LY9: variants seen among roughly 807,000 people sequenced by gnomAD.
The protein encoded by LY9 is T-lymphocyte surface antigen Ly-9.
LY9 carries 59 observed loss-of-function variants against 64.6 expected under a neutral mutation model. The observed-to-expected ratio is 0.91, with a 90% CI of 0.74 to 1.13. The LOEUF is 1.13. Among genes scored for constraint, LY9 ranks in the 50% most tolerant of loss-of-function variants. The probability of loss-of-function intolerance (pLI) is 0.00; values close to 1 mark genes in which losing one functional copy is unlikely to be tolerated. For synonymous variants in LY9, 281 were observed against 308.5 expected (o/e 0.91, Z 0.93); for missense variants, 789 against 797.2 (o/e 0.99, Z 0.12).
chr1:160,810,211 C>G (rs2101782780), intron 2 of LY9: 1 of 152,330 alleles, frequency 6.6e-6, no homozygotes, highest in South Asian at 2.1e-4. Context: ...CATTTGTATT[C>G]TCTTTTCTGT....
chr1:160,825,268 A>C (rs1447982652), intron 9 of LY9, among the ~76,000 whole-genome samples: 1 of 152,138 alleles, frequency 6.6e-6, no homozygotes, highest in Non-Finnish European at 1.5e-5. Flanking sequence ...AATGATAATA[A>C]TAACTGACTT....
rs1377895384 is a variant in LY9 at position 160,823,810 on chromosome 1, A to G, written c.1830+14A>G. On this transcript the variant is annotated intron_variant, in intron 8 of 9. Coordinates refer to ENST00000263285, the MANE Select transcript of LY9 (RefSeq NM_002348.4). The stretch of plus-strand genomic sequence containing the variant: ...TTCAACTTACAGGTGAGCCCTTCTG[A>G]TCAATACACCTTCCTCCTCCTCCCA... The G allele has an allele frequency of 2.5e-6, 4 of 1,576,710 alleles. No individual in the cohort carries two copies. The South Asian group carries it at 4.5e-5, about 18-fold the overall frequency.
chr1:160,824,279 A>G (rs777098275), intron 9 of LY9, 30 bp downstream of exon 9: 29 of 1,613,422 alleles, frequency 1.8e-5, no homozygotes, highest in East Asian at 2.2e-5. Context: ...CTGTATCCCA[A>G]GGCCCACAGA....
rs199963398 is a variant in LY9 at position 160,814,704 on chromosome 1, G to T, written c.1015G>T (p.Val339Leu). 1 of 1,614,028 alleles carries T rather than the reference G, an allele frequency of 6.2e-7. No individual in the cohort carries two copies. The highest frequency in any genetic ancestry group is 1.1e-5 in the South Asian group (1 of 91,080). ...IEDAGPYHAY[V>L]CSEASSVTSM... is the part of the protein sequence containing the mutation. ...GGACGCCGGCCCCTACCATGCCTAC[G>T]TGTGCTCAGAGGCCTCCAGCGTCAC... Residue 339 changes from valine to leucine, a missense_variant, in exon 4 of 10, where the codon GTG (valine) becomes TTG (leucine). Val to Leu is a conservative substitution (Grantham distance 32). Transcript: ENST00000263285.
chr1:160,803,670 C>G (rs1365037074), intron 2 of LY9, among the ~76,000 whole-genome samples: 2 of 152,096 alleles, frequency 1.3e-5, no homozygotes, highest in Non-Finnish European at 2.9e-5. Flanking sequence ...TTTATCAAAT[C>G]TAAGAGTTTT....
chr1:160,799,919 C>T lies in LY9; in HGVS notation c.291C>T (p.Thr97=). ...LAFARPKENV[T]IMVKSYLGRL... The stretch of plus-strand genomic sequence containing the variant: ...TCGCACGTCCCAAAGAAAATGTAAC[C>T]ATTATGGTCAAAAGCTACCTGGGCC... Residue 97 remains threonine (T), a synonymous_variant, in exon 2 of 10, where the codon ACC becomes ACT. Coordinates refer to ENST00000263285, the MANE Select transcript of LY9 (RefSeq NM_002348.4). The T allele has an allele frequency of 6.2e-7, 1 of 1,613,800 alleles. No individual in the cohort carries two copies.
chr1:160,813,333 G>A lies in LY9; in HGVS notation c.455-303G>A, dbSNP rs1667666920. 2.0e-5 allele frequency: 8 copies of A among 397,246 alleles called. No homozygotes were observed. The Admixed American group carries it at 2.9e-4, about 14-fold the overall frequency. The allele number at this position is 397,246 out of a possible 1,614,324, so 24.6% of individuals were successfully genotyped here. A position where few individuals can be genotyped will look rare whatever the true frequency, so the allele number is the denominator to read the frequency against. ...TGAGTGTTTTTCATAAGGCAGGCTG[G>A]GTGTTAGATGTTCAGACACAGGAAT... On this transcript the variant is annotated intron_variant, in intron 2 of 9. Transcript: ENST00000263285.
chr1:160,819,829 G>A (rs1400185544), intron 7 of LY9, among the ~76,000 whole-genome samples: 1 of 94,348 alleles, frequency 1.1e-5, no homozygotes, highest in Non-Finnish European at 2.1e-5. Context: ...AAGAAAGAGA[G>A]AGAAAGAAAG....
chr1:160,815,974 G>A (rs1329425086), intron 4 of LY9, among the ~76,000 whole-genome samples: 1 of 152,200 alleles, frequency 6.6e-6, no homozygotes, highest in African/African-American at 2.4e-5. Flanking sequence ...GTTTGTCAAT[G>A]TCTAGGTATC....
In LY9 at chr1:160,797,144, GC is replaced by G. The variant is rs771950459; in HGVS notation, c.124+836del. 9.1e-6 allele frequency: 9 copies of G among 985,394 alleles called. No individual in the cohort carries two copies. The African/African-American group carries it at 1.6e-4, about 17-fold the overall frequency. 61.0% of individuals were successfully genotyped at this position (985,394 alleles called of 1,614,324 possible). Reference sequence around the variant, plus strand: ...CTGGGAAACATCTCTCCGCTGCATGGCCCGGAACCCCACTGTCCAGCAGATA... The same window carrying G: ...CTGGGAAACATCTCTCCGCTGCATGGCCGGAACCCCACTGTCCAGCAGATA... On this transcript the variant is annotated intron_variant, in intron 1 of 9. Transcript: ENST00000263285.
At position 160,800,055 on chromosome 1, in the gene LY9, G is replaced by T; in HGVS notation, c.427G>T (p.Glu143Ter). ...INQRNFEVTT[E>*]EEFTLFVYEQ... ...CCAAAGGAATTTTGAAGTCACCACT[G>T]AGGAGGAATTCACCCTGTTCGTCTA... Residue 143 changes from glutamate to a stop codon, truncating the protein, a stop_gained, in exon 2 of 10, where the codon GAG (glutamate) becomes TAG (stop). Coordinates refer to ENST00000263285, the MANE Select transcript of LY9 (RefSeq NM_002348.4). LOFTEE classifies it high-confidence loss of function. The T allele has an allele frequency of 6.2e-7, 1 of 1,613,892 alleles. No homozygotes were observed. Among genetic ancestry groups the T allele is most frequent in the South Asian group, 1.1e-5 (1 of 91,068 alleles).
chr1:160,802,336 G>A, intron 2 of LY9: 2 of 988,652 alleles, frequency 2.0e-6, no homozygotes, highest in African/African-American at 1.7e-5. Flanking sequence ...CTGCAGGCGC[G>A]GGAGGCCATC....
chr1:160,807,429 G>A (rs1470758741), intron 2 of LY9, among the ~76,000 whole-genome samples: 1 of 152,184 alleles, frequency 6.6e-6, no homozygotes, highest in Non-Finnish European at 1.5e-5. Context: ...TGTCAAGTGG[G>A]CCAGTCATCA....
intron 7 of LY9, among the ~76,000 whole-genome samples, chr1:160,822,983 G>A (rs1254266855): frequency 6.6e-6 from 1 of 152,008 alleles, no homozygotes; most frequent in African/African-American, 2.4e-5. Context: ...CCTCAATTCT[G>A]CCACTTTCAT....
chr1:160,814,268 G>C (rs1056230863), intron 3 of LY9, 152 bp from the exon 4 acceptor site: 5 of 647,720 alleles, frequency 7.7e-6, no homozygotes, highest in African/African-American at 1.8e-5. Flanking sequence ...GGTGGTCATG[G>C]AGAAGTAGCA....
chr1:160,805,708 C>T (rs1666910141), intron 2 of LY9, among the ~76,000 whole-genome samples: 1 of 151,272 alleles, frequency 6.6e-6, no homozygotes, highest in Non-Finnish European at 1.5e-5. Context: ...AAGTCCTCCA[C>T]TACTATTCTG....
intron 2 of LY9, among the ~76,000 whole-genome samples, chr1:160,807,538 G>C (rs889906038): frequency 6.6e-6 from 1 of 152,192 alleles, no homozygotes; most frequent in Non-Finnish European, 1.5e-5. Context: ...TAGGTCTCCA[G>C]GTGGCTTGCT....
At position 160,799,843 on chromosome 1, in the gene LY9, A is replaced by G; in HGVS notation, c.215A>G (p.Asp72Gly). The part of the protein sequence containing the change: ...SVTLPLNISV[D>G]TEIENVIWIG... Reference sequence around the variant, plus strand: ...ACTCTCCCCCTAAACATCTCAGTAGACACAGAGATTGAGAACGTCATCTGG... The same window carrying G: ...ACTCTCCCCCTAAACATCTCAGTAGGCACAGAGATTGAGAACGTCATCTGG... The change falls in exon 2 of 10, where the codon GAC becomes GGC. Residue 72 changes from aspartate (D) to glycine (G), a missense_variant. Transcript: ENST00000263285. The G allele has an allele frequency of 6.2e-7, 1 of 1,613,164 alleles. No individual in the cohort carries two copies. Among genetic ancestry groups the G allele is most frequent in the Non-Finnish European group, 8.5e-7 (1 of 1,179,088 alleles).
chr1:160,811,977 G>T (rs754146393), intron 2 of LY9: 8 of 152,112 alleles, frequency 5.3e-5, no homozygotes, highest in African/African-American at 9.7e-5. Flanking sequence ...CACATTTTTA[G>T]ATTTTTAGAG....
Sources: allele counts gnomAD v4.1 joint callset (sites outside exome capture counted in the v4.1 genomes callset), GRCh38; gene constraint gnomAD v4.1.1; transcripts MANE v1.5; gene names NCBI Gene and HGNC (gene_info 2026-07-23, HGNC 2026-07-21).